The following SYN2 variants were observed in gnomAD, a reference collection of about 807,000 sequenced individuals.
The protein encoded by SYN2 is synapsin II, also known as synapsin-2.
Under a neutral mutation model 50.9 loss-of-function variants are expected in SYN2, and 19 were observed. The ratio of observed to expected loss-of-function variants is 0.37; its 90% CI spans 0.26 to 0.55. The LOEUF (loss-of-function observed/expected upper bound fraction) is 0.55. Ranked by LOEUF, SYN2 falls within the 20% of genes least tolerant of loss-of-function variation. The pLI is 0.81. For missense variants in SYN2, 587 were observed against 576.4 expected (o/e 1.02, Z -0.19); for synonymous variants, 255 against 224.9 (o/e 1.13, Z -1.20).
chr3:12,162,294 A>G, intron 7 of SYN2, 140 bp downstream of exon 7: 1 of 1,038,688 alleles, frequency 9.6e-7, no homozygotes. Flanking sequence ...AAGTCAGAGG[A>G]GGGGTCTGTG....
intron 1 of SYN2, among the ~76,000 whole-genome samples, chr3:12,066,865 A>G (rs1404729125): frequency 6.6e-6 from 1 of 152,176 alleles, no homozygotes; most frequent in Non-Finnish European, 1.5e-5. Flanking sequence ...GGAAGCTTAC[A>G]ATGATGGCAG....
chr3:12,107,938 T>C (rs990790158), intron 1 of SYN2, among the ~76,000 whole-genome samples: 5 of 152,118 alleles, frequency 3.3e-5, no homozygotes, highest in African/African-American at 9.7e-5. Context: ...CAGCCGTGCA[T>C]GGTGGTTTAT....
intron 1 of SYN2, among the ~76,000 whole-genome samples, chr3:12,118,464 A>G (rs926954677): frequency 1.3e-5 from 2 of 152,196 alleles, no homozygotes; most frequent in African/African-American, 4.8e-5. Flanking sequence ...CATTTTACAG[A>G]TGAGGAAACA....
At chr3:12,098,482 T>C (rs911791326) in intron 1 of SYN2, among the ~76,000 whole-genome samples, 2 of 152,094 alleles carry the variant, frequency 1.3e-5, no homozygotes, top group Non-Finnish European at 2.9e-5. Context: ...CTATTGTAAT[T>C]GGTATCAATC....
At chr3:12,190,464 C>A (rs1472124299) in intron 12 of SYN2, 26 bp from the exon 13 acceptor site, 6 of 1,613,384 alleles carry the variant, frequency 3.7e-6, no homozygotes, top group African/African-American at 1.3e-5. Context: ...CACCCTCTCA[C>A]ATTCTCTCTG....
At chr3:12,045,617 G>A (rs1032878819) in intron 1 of SYN2, among the ~76,000 whole-genome samples, 2 of 151,984 alleles carry the variant, frequency 1.3e-5, no homozygotes, top group African/African-American at 4.8e-5. Context: ...GCTGTAGCCC[G>A]TAGACAATTA....
At chr3:12,162,514 T>A (rs1697678866) in intron 7 of SYN2, among the ~76,000 whole-genome samples, 1 of 152,248 alleles carries the variant, frequency 6.6e-6, no homozygotes, top group African/African-American at 2.4e-5. Flanking sequence ...TACTTTAAAA[T>A]AATGGTACTT....
chr3:12,007,169 A>G (rs191970466), intron 1 of SYN2, among the ~76,000 whole-genome samples: 3 of 152,348 alleles, frequency 2.0e-5, no homozygotes, highest in East Asian at 1.9e-4. Flanking sequence ...TTTGGCATAA[A>G]CTAGAGAATT....
chr3:12,162,182 C>T, intron 7 of SYN2, 28 bp downstream of exon 7: 2 of 1,608,540 alleles, frequency 1.2e-6, no homozygotes, highest in South Asian at 1.1e-5. Flanking sequence ...ATGTTTTCTC[C>T]TCAGTGATGA....
chr3:12,158,575 T>G, intron 5 of SYN2: 1 of 1,411,872 alleles, frequency 7.1e-7, no homozygotes, highest in Non-Finnish European at 9.6e-7. Flanking sequence ...CCCATCAGCC[T>G]CAGCAAGAGA....
chr3:12,157,670 C>T (rs1025536832), intron 5 of SYN2, among the ~76,000 whole-genome samples: 3 of 152,164 alleles, frequency 2.0e-5, no homozygotes, highest in African/African-American at 4.8e-5. Flanking sequence ...ACTGGAAGTT[C>T]CAAACCCCTC....
At chr3:12,098,880 T>TATATATAA (rs1553614789) in intron 1 of SYN2, among the ~76,000 whole-genome samples, 3 of 145,476 alleles carry the variant, frequency 2.1e-5, no homozygotes, top group East Asian at 2.0e-4. Flanking sequence ...TATATATATA[T>TATATATAA]AATGCAAATA....
At chr3:12,156,949 CA>C in intron 5 of SYN2, 6 of 1,580,796 alleles carry the variant, frequency 3.8e-6, no homozygotes, top group Non-Finnish European at 5.2e-6. Context: ...CAGGCAATTA[CA>C]AAAAAAGGCA....
intron 5 of SYN2, among the ~76,000 whole-genome samples, chr3:12,159,961 T>G (rs1574872043): frequency 2.8e-5 from 4 of 143,256 alleles, no homozygotes; most frequent in East Asian, 2.3e-4. Flanking sequence ...GAGAATGGCT[T>G]GAACCCAGGA....
chr3:12,060,260 A>G (rs1695084846), intron 1 of SYN2, among the ~76,000 whole-genome samples: 1 of 152,184 alleles, frequency 6.6e-6, no homozygotes, highest in Non-Finnish European at 1.5e-5. Context: ...AGGTTTGTAC[A>G]GTGTAGAGCC....
chr3:12,181,778 G>A (rs1353290814), intron 10 of SYN2, among the ~76,000 whole-genome samples: 14 of 152,194 alleles, frequency 9.2e-5, no homozygotes, highest in Admixed American at 9.2e-4. Context: ...CCTGACCAAA[G>A]TTAGTCCAGG....
chr3:12,108,569 A>G (rs1456288986), intron 1 of SYN2, among the ~76,000 whole-genome samples: 1 of 152,184 alleles, frequency 6.6e-6, no homozygotes, highest in Admixed American at 6.5e-5. Flanking sequence ...AATGAATGTC[A>G]CAAGATAGTT....
intron 1 of SYN2, among the ~76,000 whole-genome samples, chr3:12,094,206 G>A (rs160220): frequency 0.93 from 142,169 of 152,250 alleles, 66,466 homozygotes; most frequent in East Asian, 1. Context: ...AATCTGTTTT[G>A]TGTGTGTTCA....
chr3:12,052,788 C>T (rs1267393999), intron 1 of SYN2, among the ~76,000 whole-genome samples: 1 of 152,036 alleles, frequency 6.6e-6, no homozygotes. Context: ...TTTTTTAGGC[C>T]AAAGCATCAT....
Sources: gnomAD v4.1 joint callset for allele counts (sites outside exome capture counted in the v4.1 genomes callset) on GRCh38, gnomAD v4.1.1 for gene constraint, MANE v1.5 for transcripts, NCBI Gene and HGNC (gene_info 2026-07-23, HGNC 2026-07-21) for gene names.